The following PCAT7 variants were observed in gnomAD, a reference collection of about 807,000 sequenced individuals.
The protein encoded by PCAT7 is prostate cancer associated transcript 7 (non-protein coding).
intron 2 of PCAT7, among the ~76,000 whole-genome samples, chr9:94,565,299 A>G (rs1229753202): frequency 2.1e-5 from 3 of 145,734 alleles, no homozygotes; most frequent in Non-Finnish European, 3.0e-5. Context: ...CGCTTGAACC[A>G]GGGAGGCGGA....
At chr9:94,554,910 T>C (rs1421696968), upstream of PCAT7, 1 of 152,314 alleles carries the variant, frequency 6.6e-6, no homozygotes, top group Non-Finnish European at 1.5e-5. Context: ...TGCCTCAGCA[T>C]GCTTTATATA....
intron 2 of PCAT7, among the ~76,000 whole-genome samples, chr9:94,563,793 G>A (rs1827144965): frequency 6.6e-6 from 1 of 152,136 alleles, no homozygotes; most frequent in African/African-American, 2.4e-5. Context: ...AAAATAAAGG[G>A]ATGGAAGCCA....
chr9:94,558,692 T>C (rs1389389166), intron 1 of PCAT7: 11 of 461,814 alleles, frequency 2.4e-5, no homozygotes, highest in Non-Finnish European at 3.5e-5. Flanking sequence ...TGCCACTGTT[T>C]CTGACAGAAG....
intron 2 of PCAT7, chr9:94,563,543 G>A (rs1827141292): frequency 6.7e-7 from 1 of 1,495,696 alleles, no homozygotes; most frequent in Admixed American, 1.9e-5. Context: ...AGTCCAGTTG[G>A]TGTGACCTCT....
intron 2 of PCAT7, among the ~76,000 whole-genome samples, chr9:94,571,098 G>T (rs1318487830): frequency 6.6e-6 from 1 of 152,192 alleles, no homozygotes; most frequent in Non-Finnish European, 1.5e-5. Flanking sequence ...CATTCTACTG[G>T]ATGGTGCTGC....
chr9:94,559,756 C>G (rs376793811), intron 2 of PCAT7, among the ~76,000 whole-genome samples: 4 of 152,174 alleles, frequency 2.6e-5, no homozygotes, highest in African/African-American at 7.2e-5. Context: ...ACTCATCACA[C>G]TGAGGCCTCT....
At chr9:94,567,399 A>G (rs1353086783) in intron 2 of PCAT7, 1 of 1,614,112 alleles carries the variant, frequency 6.2e-7, no homozygotes, top group South Asian at 1.1e-5. Flanking sequence ...GGACAAATTC[A>G]CCAAGAGCCT....
rs897041454 is a variant in PCAT7, at chr9:94,567,616, A to G, written n.442-5363A>G. 4.7e-5 allele frequency: 25 copies of G among 533,818 alleles called. No homozygotes were observed. In the East Asian group the frequency reaches 7.2e-4, roughly 15 times the overall value. The allele number at this position is 533,818 out of a possible 1,614,324, so 33.1% of individuals were successfully genotyped here. A position where few individuals can be genotyped will look rare whatever the true frequency, so the allele number is the denominator to read the frequency against. ...AGCCCACACAGGAAGCTCTAGCAGT[A>G]ACACAGCAAGCAGGAAGACAATTCT... On this transcript the variant is annotated intron_variant and non_coding_transcript_variant, in intron 2 of 8. Transcript: ENST00000647389.
At chr9:94,570,397 C>T (rs1217273556) in intron 2 of PCAT7, 1 of 152,336 alleles carries the variant, frequency 6.6e-6, no homozygotes, top group South Asian at 2.1e-4. Flanking sequence ...CTCTACGCCT[C>T]ACTTTCCCCA....
intron 1 of PCAT7, among the ~76,000 whole-genome samples, chr9:94,557,306 G>T (rs746253537): frequency 6.6e-6 from 1 of 152,118 alleles, no homozygotes. Flanking sequence ...TCTGTAGATC[G>T]CATTGGGTGA....
At chr9:94,568,254 T>C (rs889345398) in intron 2 of PCAT7, 8 of 152,114 alleles carry the variant, frequency 5.3e-5, no homozygotes, top group Admixed American at 3.9e-4. Flanking sequence ...TCAGACACTG[T>C]GTTCACCCAG....
At chr9:94,570,275 CAA>C (rs536310421) in intron 2 of PCAT7, 3 of 152,306 alleles carry the variant, frequency 2.0e-5, no homozygotes, top group South Asian at 2.1e-4. Context: ...TGCTTGTACT[CAA>C]GAGCAGTTGT....
intron 1 of PCAT7, chr9:94,558,898 G>A (rs776917650): frequency 6.3e-7 from 1 of 1,589,084 alleles, no homozygotes; most frequent in East Asian, 2.2e-5. Flanking sequence ...CTTAGACAAG[G>A]TGCAAGACAA....
chr9:94,557,554 C>T (rs550220541), intron 1 of PCAT7, among the ~76,000 whole-genome samples: 1 of 152,214 alleles, frequency 6.6e-6, no homozygotes, highest in Non-Finnish European at 1.5e-5. Context: ...CAGAATGACA[C>T]TCAAGTTGAA....
At chr9:94,573,586 A>T (rs2945797) in intron 3 of PCAT7, among the ~76,000 whole-genome samples, 64,721 of 152,172 alleles carry the variant, frequency 0.43, 14,545 homozygotes, top group Admixed American at 0.52. Context: ...AGATACGATT[A>T]TGTGATTTTT....
chr9:94,564,390 G>A (rs1827155369), intron 2 of PCAT7, among the ~76,000 whole-genome samples: 1 of 152,176 alleles, frequency 6.6e-6, no homozygotes. Flanking sequence ...ATTCACAATA[G>A]CAAAGATATG....
At chr9:94,563,749 C>T (rs10821368) in intron 2 of PCAT7, among the ~76,000 whole-genome samples, 61,814 of 151,946 alleles carry the variant, frequency 0.41, 14,035 homozygotes, top group Admixed American at 0.52. Context: ...AAAAGGAAGT[C>T]ACCCATCCCA....
At chr9:94,562,266 T>C (rs1006507698) in intron 2 of PCAT7, among the ~76,000 whole-genome samples, 2 of 134,390 alleles carry the variant, frequency 1.5e-5, no homozygotes, top group Non-Finnish European at 3.0e-5. Context: ...GCCTAGATGG[T>C]GCCACTGCAC....
chr9:94,572,771 G>A (rs1827282907), intron 2 of PCAT7, among the ~76,000 whole-genome samples: 1 of 152,100 alleles, frequency 6.6e-6, no homozygotes, highest in African/African-American at 2.4e-5. Flanking sequence ...GTGATTTTCA[G>A]CATAAGAATC....
Sources: gnomAD v4.1 joint callset for allele counts (sites outside exome capture counted in the v4.1 genomes callset) on GRCh38, gnomAD v4.1.1 for gene constraint, MANE v1.5 for transcripts, NCBI Gene and HGNC (gene_info 2026-07-23, HGNC 2026-07-21) for gene names.